Variants in ANKS1B observed in about 807,000 individuals in gnomAD.
ANKS1B encodes ankyrin repeat and sterile alpha motif domain containing 1B, also known as ankyrin repeat and sterile alpha motif domain-containing protein 1B.
A neutral mutation model predicts 148.3 loss-of-function variants in ANKS1B; 36 were observed. That is an observed-to-expected ratio of 0.24 (90% confidence interval 0.19 to 0.32). The LOEUF is 0.32. Ranked by LOEUF, ANKS1B falls within the 10% of genes least tolerant of loss-of-function variation. The pLI, the probability that ANKS1B is intolerant of heterozygous loss-of-function variation, is 1.00. For missense variants in ANKS1B, 1,157 were observed against 1,542.6 expected, an observed-to-expected ratio of 0.75 and a Z score of 4.19; for synonymous variants, 542 against 560.8, an observed-to-expected ratio of 0.97 and a Z score of 0.47.
At chr12:99,183,249 A>G (rs980578121) in intron 14 of ANKS1B, among the ~76,000 whole-genome samples, 7 of 152,256 alleles carry the variant, frequency 4.6e-5, no homozygotes, top group African/African-American at 1.7e-4. Flanking sequence ...CACATTAAAG[A>G]AACTACACTG....
intron 9 of ANKS1B, among the ~76,000 whole-genome samples, chr12:99,643,137 G>T (rs1430295330): frequency 1.3e-5 from 2 of 152,116 alleles, no homozygotes; most frequent in Non-Finnish European, 2.9e-5. Flanking sequence ...CTTTATCACA[G>T]TACATCCTCT....
chr12:99,054,376 AG>A (rs2153535710), intron 16 of ANKS1B, among the ~76,000 whole-genome samples: 1 of 152,338 alleles, frequency 6.6e-6, no homozygotes, highest in South Asian at 2.1e-4. Context: ...TCTGGGAATC[AG>A]GGATTCAGAT....
At chr12:99,297,472 C>T (rs748139419) in intron 12 of ANKS1B, among the ~76,000 whole-genome samples, 1 of 152,170 alleles carries the variant, frequency 6.6e-6, no homozygotes, top group Non-Finnish European at 1.5e-5. Flanking sequence ...ATTCATTGAA[C>T]CCACCAAACT....
At chr12:99,152,432 T>G (rs80352820) in intron 15 of ANKS1B, among the ~76,000 whole-genome samples, 10,317 of 152,234 alleles carry the variant, frequency 0.068, 962 homozygotes, top group African/African-American at 0.21. Flanking sequence ...TAATCTATGA[T>G]TAGACCTTGG....
intron 10 of ANKS1B, among the ~76,000 whole-genome samples, chr12:99,475,411 A>T (rs987914550): frequency 1.3e-5 from 2 of 151,798 alleles, no homozygotes; most frequent in African/African-American, 2.4e-5. Context: ...GGGAAAAAAA[A>T]TTCTTTCAAC....
chr12:99,055,240 T>C (rs2099968795), intron 16 of ANKS1B, among the ~76,000 whole-genome samples: 1 of 152,174 alleles, frequency 6.6e-6, no homozygotes, highest in Non-Finnish European at 1.5e-5. Flanking sequence ...ATAATCACTC[T>C]GGCCCCAGGA....
chr12:99,525,718 T>C (rs1206317523), intron 9 of ANKS1B, among the ~76,000 whole-genome samples: 1 of 152,172 alleles, frequency 6.6e-6, no homozygotes, highest in East Asian at 1.9e-4. Context: ...CTGATAAAGA[T>C]TTAAACAATT....
At chr12:99,753,619 T>C (rs1269070183) in intron 8 of ANKS1B, among the ~76,000 whole-genome samples, 2 of 152,104 alleles carry the variant, frequency 1.3e-5, no homozygotes, top group African/African-American at 4.8e-5. Flanking sequence ...CCCTCAGCAT[T>C]TGCTTGTCTG....
At chr12:99,174,961 T>C (rs1428113808) in intron 14 of ANKS1B, among the ~76,000 whole-genome samples, 1 of 152,218 alleles carries the variant, frequency 6.6e-6, no homozygotes, top group African/African-American at 2.4e-5. Flanking sequence ...AGAAAACTGA[T>C]GCTCAATGAA....
At chr12:99,649,562 C>T in intron 9 of ANKS1B, 1 of 590,122 alleles carries the variant, frequency 1.7e-6, no homozygotes, top group Non-Finnish European at 3.0e-6. Flanking sequence ...TCTGCAGACT[C>T]AGGAGAGAAA....
chr12:99,926,631 T>C (rs975190707), intron 1 of ANKS1B, among the ~76,000 whole-genome samples: 1 of 152,200 alleles, frequency 6.6e-6, no homozygotes. Context: ...GTCTTGGAAC[T>C]TGTCAGCCTC....
In ANKS1B at chr12:99,747,047, C is replaced by T. The variant is rs1319826904; in HGVS notation, c.1128+25875G>A. Among the ~76,000 whole-genome samples the T allele has an allele frequency of 3.3e-5, 5 of 152,030 alleles. No homozygotes were observed. In the East Asian group the frequency reaches 7.7e-4, roughly 23 times the overall value. ...TATACCCCATATTCCCTATATTCTT[C>T]ACACTCCCAAAAATGGGACCCTTCA... On this transcript the variant is annotated intron_variant, in intron 8 of 26. Transcript: ENST00000683438.
At chr12:99,795,120 G>C (rs1318897918) in intron 4 of ANKS1B, among the ~76,000 whole-genome samples, 1 of 151,886 alleles carries the variant, frequency 6.6e-6, no homozygotes, top group Non-Finnish European at 1.5e-5. Flanking sequence ...GAAGAAGATA[G>C]AGGTAAATAA....
At chr12:99,186,319 G>A (rs1026351193) in intron 14 of ANKS1B, among the ~76,000 whole-genome samples, 7 of 152,210 alleles carry the variant, frequency 4.6e-5, no homozygotes, top group Admixed American at 3.9e-4. Flanking sequence ...AGCTTCAGCA[G>A]ACATAAATGT....
chr12:99,856,818 T>C (rs972556231), intron 1 of ANKS1B, among the ~76,000 whole-genome samples: 2 of 152,116 alleles, frequency 1.3e-5, no homozygotes, highest in Admixed American at 6.5e-5. Context: ...AAAAAGCATT[T>C]GACAAATTCC....
intron 17 of ANKS1B, among the ~76,000 whole-genome samples, chr12:98,963,746 C>T (rs1208033173): frequency 6.6e-6 from 1 of 152,104 alleles, no homozygotes; most frequent in Non-Finnish European, 1.5e-5. Flanking sequence ...TATTTGCCAA[C>T]GATCCACCTG....
At chr12:98,956,736 A>G (rs1056842720) in intron 17 of ANKS1B, among the ~76,000 whole-genome samples, 3 of 152,096 alleles carry the variant, frequency 2.0e-5, no homozygotes, top group Admixed American at 6.5e-5. Flanking sequence ...CTTCCTACTT[A>G]CTTACAGTCG....
At chr12:99,913,918 A>G (rs1463398692) in intron 1 of ANKS1B, among the ~76,000 whole-genome samples, 2 of 152,168 alleles carry the variant, frequency 1.3e-5, no homozygotes, top group Non-Finnish European at 2.9e-5. Context: ...CTCTTGCTTT[A>G]CAACTGTAAC....
intron 12 of ANKS1B, among the ~76,000 whole-genome samples, chr12:99,262,921 C>T (rs2076078118): frequency 6.6e-6 from 1 of 151,892 alleles, no homozygotes; most frequent in Non-Finnish European, 1.5e-5. Context: ...CCGAAATCAT[C>T]TTCGGACCTG....
Sources: allele counts gnomAD v4.1 joint callset (sites outside exome capture counted in the v4.1 genomes callset), GRCh38; gene constraint gnomAD v4.1.1; transcripts MANE v1.5; gene names NCBI Gene and HGNC (gene_info 2026-07-23, HGNC 2026-07-21).